MED27: variants seen among roughly 807,000 people sequenced by gnomAD.
MED27 encodes the protein mediator complex subunit 27.
MED27 carries 30 observed loss-of-function variants against 38.2 expected under a neutral mutation model. The ratio of observed to expected loss-of-function variants is 0.79; its 90% CI spans 0.59 to 1.07. The LOEUF is 1.07. Ranked by LOEUF, MED27 falls within the 50% of genes least tolerant of loss-of-function variation. The pLI, the probability that MED27 is intolerant of heterozygous loss-of-function variation, is 0.00. For synonymous variants in MED27, 122 were observed against 153.5 expected (o/e 0.79, Z 1.52); for missense variants, 289 against 397.5 (o/e 0.73, Z 2.32).
At chr9:132,009,024 C>A (rs1832426153) in intron 3 of MED27, among the ~76,000 whole-genome samples, 1 of 152,314 alleles carries the variant, frequency 6.6e-6, no homozygotes, top group Non-Finnish European at 1.5e-5. Flanking sequence ...CCTCCCTCCC[C>A]ACTCTGCCCG....
chr9:131,981,736 CA>C (rs1296107771), intron 3 of MED27, among the ~76,000 whole-genome samples: 1 of 152,234 alleles, frequency 6.6e-6, no homozygotes, highest in Admixed American at 6.5e-5. Context: ...GTCACCCAGT[CA>C]TCACACTGCT....
intron 4 of MED27, among the ~76,000 whole-genome samples, chr9:131,904,907 C>A (rs1331572703): frequency 6.6e-6 from 1 of 152,200 alleles, no homozygotes; most frequent in African/African-American, 2.4e-5. Flanking sequence ...TTCCATCTCA[C>A]ATTGTAAATA....
intron 3 of MED27, among the ~76,000 whole-genome samples, chr9:131,998,282 C>T (rs1440437383): frequency 6.8e-6 from 1 of 146,478 alleles, no homozygotes; most frequent in African/African-American, 2.5e-5. Context: ...TTTTAATATC[C>T]TTTTTTTTTT....
chr9:132,064,444 A>G (rs1833767367), intron 2 of MED27, among the ~76,000 whole-genome samples: 1 of 152,250 alleles, frequency 6.6e-6, no homozygotes, highest in Non-Finnish European at 1.5e-5. Context: ...AAGTTATCTC[A>G]TGATAGAAAC....
intron 6 of MED27, among the ~76,000 whole-genome samples, chr9:131,871,846 C>CT (rs1462781840): frequency 6.6e-6 from 1 of 152,162 alleles, no homozygotes; most frequent in Non-Finnish European, 1.5e-5. Context: ...TCTTTCCTAT[C>CT]TTTTTTCCTC....
intron 3 of MED27, among the ~76,000 whole-genome samples, chr9:131,992,729 A>G (rs1309734815): frequency 6.6e-6 from 1 of 152,204 alleles, no homozygotes; most frequent in Non-Finnish European, 1.5e-5. Flanking sequence ...AGGAATGCAC[A>G]TATTCATACA....
In MED27 at chr9:131,982,820, A is replaced by G. The variant is rs1170250412; in HGVS notation, c.479+31517T>C. ...CCAACTGTAGTACAAAAGCAGCCAT[A>G]TGTAATATGGAAATGAATGCGCATG... On this transcript the variant is annotated intron_variant, in intron 3 of 7. Coordinates refer to ENST00000292035, the MANE Select transcript of MED27 (RefSeq NM_004269.4). This position sits in a 1 kb window ranked among gnomAD's most constrained non-coding sequence, Gnocchi z 4.3. 6.6e-6 allele frequency among the ~76,000 whole-genome samples: 1 copy of G among 152,226 alleles called. No homozygotes were observed. The highest frequency in any genetic ancestry group is 2.4e-5 in the African/African-American group (1 of 41,458).
At chr9:131,912,649 T>A (rs867049537) in intron 4 of MED27, among the ~76,000 whole-genome samples, 2 of 152,146 alleles carry the variant, frequency 1.3e-5, no homozygotes, top group East Asian at 1.9e-4. Flanking sequence ...TAAAAATCTA[T>A]CAACTCTAAG....
At chr9:131,977,551 C>T (rs984098156) in intron 3 of MED27, among the ~76,000 whole-genome samples, 12 of 152,122 alleles carry the variant, frequency 7.9e-5, no homozygotes, top group Non-Finnish European at 1.2e-4. Flanking sequence ...CTCTGCTCTG[C>T]GGCTGGCTGT....
At position 131,935,288 on chromosome 9, in the gene MED27, T is replaced by C. The variant is rs1054565120; in HGVS notation, c.573+4093A>G. On this transcript the variant is annotated intron_variant, in intron 4 of 7. Transcript: ENST00000292035. Reference sequence around the variant, plus strand: ...AGGACAGATATCCATTTACCAGGATTTGATGATTACACATCACAGGCCTGT... The same window carrying C: ...AGGACAGATATCCATTTACCAGGATCTGATGATTACACATCACAGGCCTGT... Among the ~76,000 whole-genome samples the C allele has an allele frequency of 2.6e-5, 4 of 152,326 alleles. No homozygotes were observed. In the East Asian group the frequency reaches 7.7e-4, roughly 29 times the overall value.
At chr9:131,920,581 A>G (rs1036760786) in intron 4 of MED27, among the ~76,000 whole-genome samples, 1 of 152,242 alleles carries the variant, frequency 6.6e-6, no homozygotes, top group Non-Finnish European at 1.5e-5. Context: ...AAGCATAACA[A>G]TAAGGAAATC....
At chr9:132,005,157 T>C (rs1832332050) in intron 3 of MED27, among the ~76,000 whole-genome samples, 1 of 152,122 alleles carries the variant, frequency 6.6e-6, no homozygotes, top group Non-Finnish European at 1.5e-5. Flanking sequence ...TTTCAGCAAC[T>C]ATTACTGGGT....
At chr9:131,966,338 T>C (rs1231671499) in intron 3 of MED27, among the ~76,000 whole-genome samples, 3 of 124,944 alleles carry the variant, frequency 2.4e-5, no homozygotes, top group Non-Finnish European at 4.7e-5. Context: ...AAGCCATAAT[T>C]GTGCCACTGC....
At chr9:131,992,482 C>T (rs1022907835) in intron 3 of MED27, among the ~76,000 whole-genome samples, 8 of 152,278 alleles carry the variant, frequency 5.3e-5, no homozygotes, top group South Asian at 2.1e-4. Context: ...ACTGCAACCT[C>T]GACCTCCTGG....
rs1417270026 is a variant in MED27 at position 132,003,330 on chromosome 9, T to C, written c.479+11007A>G. On this transcript the variant is annotated intron_variant, in intron 3 of 7. Transcript: ENST00000292035. The surrounding 1 kb of genome is among the most constrained non-coding windows in gnomAD (Gnocchi z 4.2). ...TAGTGCTTAATGGCCAGGTTCTTTA[T>C]TACAGTTTTCTATTTTATGCAATTT... 6.6e-6 allele frequency among the ~76,000 whole-genome samples: 1 copy of C among 152,218 alleles called. No homozygotes were observed. Among genetic ancestry groups the C allele is most frequent in the Admixed American group, 6.5e-5 (1 of 15,290 alleles).
intron 6 of MED27, among the ~76,000 whole-genome samples, chr9:131,875,373 T>C (rs1589175227): frequency 6.6e-6 from 1 of 151,964 alleles, no homozygotes. Flanking sequence ...AGCAGCTGGG[T>C]CTTGGGTTGA....
intron 4 of MED27, among the ~76,000 whole-genome samples, chr9:131,895,494 A>G (rs1223908961): frequency 6.6e-6 from 1 of 152,114 alleles, no homozygotes; most frequent in African/African-American, 2.4e-5. Context: ...CATCCTCAAC[A>G]ACAACCTTCC....
chr9:131,924,384 G>C (rs1350602944), intron 4 of MED27, among the ~76,000 whole-genome samples: 1 of 151,852 alleles, frequency 6.6e-6, no homozygotes, highest in Non-Finnish European at 1.5e-5. Context: ...TTTAAAATTT[G>C]GTGAATTGTC....
chr9:131,874,135 G>A (rs900202915), intron 6 of MED27, among the ~76,000 whole-genome samples: 1 of 152,220 alleles, frequency 6.6e-6, no homozygotes, highest in Non-Finnish European at 1.5e-5. Flanking sequence ...GCCGGCTCCT[G>A]GAGGAATCCG....
Sources: allele counts gnomAD v4.1 joint callset (sites outside exome capture counted in the v4.1 genomes callset), GRCh38; gene constraint gnomAD v4.1.1; non-coding constraint Gnocchi (gnomAD v3.1); transcripts MANE v1.5; gene names NCBI Gene and HGNC (gene_info 2026-07-23, HGNC 2026-07-21).